Variants in MPP7 observed in about 807,000 individuals in gnomAD.
MPP7 encodes the protein MAGUK p55 subfamily member 7.
Under a neutral mutation model 76.5 loss-of-function variants are expected in MPP7, and 60 were observed. The ratio of observed to expected loss-of-function variants is 0.78; its 90% confidence interval spans 0.64 to 0.97. The LOEUF (loss-of-function observed/expected upper bound fraction) is 0.97, where lower values mean the gene tolerates loss of function less well. MPP7 is among the 50% of genes least tolerant of loss of function. The probability of loss-of-function intolerance (pLI) is 0.00; values close to 1 mark genes in which losing one functional copy is unlikely to be tolerated. For synonymous variants in MPP7, 237 were observed against 244.5 expected (o/e 0.97, Z 0.29); for missense variants, 641 against 694.0 (o/e 0.92, Z 0.86).
intron 1 of MPP7, among the ~76,000 whole-genome samples, chr10:28,332,243 A>ATGTG (rs775712498): frequency 2.0e-4 from 20 of 101,992 alleles, no homozygotes; most frequent in Admixed American, 3.6e-4. Context: ...TGTCAAATGT[A>ATGTG]TGCGTGTGTG....
chr10:28,228,638 T>C (rs12263807), intron 2 of MPP7, among the ~76,000 whole-genome samples: 26,340 of 151,792 alleles, frequency 0.17, 2,584 homozygotes, highest in African/African-American at 0.26. Flanking sequence ...TGGTGGCACA[T>C]CTGTAATCCC....
intron 2 of MPP7, among the ~76,000 whole-genome samples, chr10:28,206,120 T>C (rs969541853): frequency 6.6e-6 from 1 of 152,182 alleles, no homozygotes; most frequent in Non-Finnish European, 1.5e-5. Context: ...TATTCTGTTA[T>C]AGCAGTACAA....
At chr10:28,161,351 AC>A (rs1282358179) in intron 3 of MPP7, among the ~76,000 whole-genome samples, 1 of 65,344 alleles carries the variant, frequency 1.5e-5, no homozygotes, top group African/African-American at 5.9e-5. Context: ...ACCCCCTCCC[AC>A]CCCCCGCAGG....
At chr10:28,140,529 AT>A (rs1835484189) in intron 5 of MPP7, among the ~76,000 whole-genome samples, 1 of 151,962 alleles carries the variant, frequency 6.6e-6, no homozygotes. Context: ...AGAAAAAAAA[AT>A]AGAATTGATA....
chr10:28,138,553 T>C (rs891919381), intron 5 of MPP7, among the ~76,000 whole-genome samples: 1 of 152,226 alleles, frequency 6.6e-6, no homozygotes, highest in Non-Finnish European at 1.5e-5. Context: ...AATATGGCAA[T>C]TGACTGATCA....
At chr10:28,140,812 C>T (rs1377514200) in intron 5 of MPP7, among the ~76,000 whole-genome samples, 4 of 152,094 alleles carry the variant, frequency 2.6e-5, no homozygotes, top group African/African-American at 9.7e-5. Flanking sequence ...AAAGCACTAT[C>T]AAAAAACTTT....
At chr10:28,303,951 A>G (rs538566231), upstream of MPP7, among the ~76,000 whole-genome samples, 1 of 152,300 alleles carries the variant, frequency 6.6e-6, no homozygotes, top group East Asian at 1.9e-4. Flanking sequence ...CTCTTATAGG[A>G]AGAATTAGAA....
chr10:28,198,337 G>A (rs1191135530), intron 3 of MPP7, among the ~76,000 whole-genome samples: 4 of 152,182 alleles, frequency 2.6e-5, no homozygotes, highest in Non-Finnish European at 5.9e-5. Context: ...AACACTTTGA[G>A]AGTCCGAGGC....
chr10:28,052,292 C>T lies in MPP7; in HGVS notation c.*1773G>A, dbSNP rs1851388522. On this transcript the variant is annotated 3_prime_UTR_variant, in exon 17 of 17. Transcript: ENST00000683449. The stretch of plus-strand genomic sequence containing the variant: ...GGAAATATGCTACCCAAACAATCTA[C>T]TTAAGACTTCAGGTTGGCAACCCTC... The T allele has an allele frequency of 6.6e-6, 1 of 152,224 alleles. No homozygotes were observed. Among genetic ancestry groups the T allele is most frequent in the Non-Finnish European group, 1.5e-5 (1 of 68,044 alleles). The allele number at this position is 152,224 out of a possible 1,614,324, so 9.4% of individuals were successfully genotyped here.
intron 13 of MPP7, among the ~76,000 whole-genome samples, chr10:28,062,772 G>T (rs1260592586): frequency 6.6e-6 from 1 of 152,110 alleles, no homozygotes; most frequent in Admixed American, 6.5e-5. Context: ...TTATATTAAT[G>T]GTAAAGGATG....
intron 1 of MPP7, among the ~76,000 whole-genome samples, chr10:28,242,147 A>G (rs1432025595): frequency 6.6e-6 from 1 of 152,216 alleles, no homozygotes; most frequent in African/African-American, 2.4e-5. Flanking sequence ...TTTCCTCTAA[A>G]TTTGGGTAAG....
chr10:28,162,779 C>T (rs1402970268), intron 3 of MPP7, among the ~76,000 whole-genome samples: 4 of 152,158 alleles, frequency 2.6e-5, no homozygotes, highest in Non-Finnish European at 5.9e-5. Context: ...TGGGAGGTCC[C>T]TCCTGAGATC....
chr10:28,084,292 C>T (rs1048038812), intron 12 of MPP7, among the ~76,000 whole-genome samples: 1 of 152,186 alleles, frequency 6.6e-6, no homozygotes, highest in African/African-American at 2.4e-5. Context: ...CAATCACTAA[C>T]CAAAGAAGGC....
chr10:28,092,471 G>A (rs1475877194), intron 11 of MPP7, among the ~76,000 whole-genome samples: 2 of 152,030 alleles, frequency 1.3e-5, no homozygotes, highest in Non-Finnish European at 2.9e-5. Flanking sequence ...ATGCAGAGAG[G>A]ATTCAAACTT....
At chr10:28,106,795 T>C (rs1293374802) in intron 11 of MPP7, among the ~76,000 whole-genome samples, 1 of 152,190 alleles carries the variant, frequency 6.6e-6, no homozygotes, top group Non-Finnish European at 1.5e-5. Flanking sequence ...GGTGAAAATG[T>C]TTCTCAGATG....
chr10:28,072,694 C>T (rs1220485702), intron 12 of MPP7, among the ~76,000 whole-genome samples: 1 of 152,210 alleles, frequency 6.6e-6, no homozygotes, highest in Admixed American at 6.5e-5. Context: ...ACCTCCCTCT[C>T]TACTTCACTT....
At chr10:28,278,221 C>T (rs971647317) in intron 1 of MPP7, among the ~76,000 whole-genome samples, 1 of 152,054 alleles carries the variant, frequency 6.6e-6, no homozygotes, top group Non-Finnish European at 1.5e-5. Context: ...AACAGCACTC[C>T]TATGTATGTT....
At chr10:28,085,759 A>C (rs1373967547) in intron 12 of MPP7, among the ~76,000 whole-genome samples, 1 of 152,182 alleles carries the variant, frequency 6.6e-6, no homozygotes, top group Non-Finnish European at 1.5e-5. Flanking sequence ...AATCAAACTT[A>C]AGGAATTTCA....
intron 3 of MPP7, among the ~76,000 whole-genome samples, chr10:28,164,150 T>A (rs542481143): frequency 1.4e-4 from 22 of 151,896 alleles, no homozygotes; most frequent in African/African-American, 5.3e-4. Flanking sequence ...TCAGGGGATG[T>A]AAATGGTAAC....
Sources: gnomAD v4.1 joint callset for allele counts (sites outside exome capture counted in the v4.1 genomes callset) on GRCh38, gnomAD v4.1.1 for gene constraint, MANE v1.5 for transcripts, NCBI Gene and HGNC (gene_info 2026-07-23, HGNC 2026-07-21) for gene names.